PRRX1: variants seen among roughly 807,000 people sequenced by gnomAD.
PRRX1 encodes the protein paired mesoderm homeobox protein 1.
Under a neutral mutation model 24.0 loss-of-function variants are expected in PRRX1, and 8 were observed. The ratio of observed to expected loss-of-function variants is 0.33; its 90% CI spans 0.20 to 0.60. The LOEUF (loss-of-function observed/expected upper bound fraction) is 0.60, where lower values mean the gene tolerates loss of function less well. PRRX1 is among the 20% of genes least tolerant of loss of function. PRRX1 has a pLI of 0.82. For missense variants in PRRX1, 281 were observed against 322.4 expected, an observed-to-expected ratio of 0.87 and a Z score of 0.98; for synonymous variants, 160 against 131.7, an observed-to-expected ratio of 1.22 and a Z score of -1.47.
At chr1:170,669,685 G>T (rs1345606432) in intron 1 of PRRX1, among the ~76,000 whole-genome samples, 1 of 151,884 alleles carries the variant, frequency 6.6e-6, no homozygotes, top group Non-Finnish European at 1.5e-5. Flanking sequence ...CTAACTCCTG[G>T]AAAACCCTCC....
chr1:170,683,239 T>C (rs1653614438), intron 1 of PRRX1, among the ~76,000 whole-genome samples: 1 of 152,144 alleles, frequency 6.6e-6, no homozygotes, highest in Non-Finnish European at 1.5e-5. Flanking sequence ...TAGGAGGTTA[T>C]TGCAACAGGC....
chr1:170,730,220 C>T (rs1208617421), intron 3 of PRRX1: 2 of 1,420,336 alleles, frequency 1.4e-6, no homozygotes, highest in Non-Finnish European at 2.0e-6. Context: ...CATGGTGCTG[C>T]CTGACATCTG....
intron 1 of PRRX1, among the ~76,000 whole-genome samples, chr1:170,684,473 C>T (rs557614344): frequency 5.9e-5 from 9 of 152,326 alleles, no homozygotes; most frequent in African/African-American, 1.4e-4. Context: ...TTGGAATCGG[C>T]TGGGCGGGAT....
intron 1 of PRRX1, among the ~76,000 whole-genome samples, chr1:170,685,045 A>C (rs1426323577): frequency 6.6e-6 from 1 of 152,232 alleles, no homozygotes; most frequent in East Asian, 1.9e-4. Context: ...TCTGACTTCC[A>C]AATTACAATT....
intron 3 of PRRX1, among the ~76,000 whole-genome samples, chr1:170,734,529 T>C (rs1391496815): frequency 6.6e-6 from 1 of 152,134 alleles, no homozygotes; most frequent in Non-Finnish European, 1.5e-5. Flanking sequence ...GAACGTAGCC[T>C]GGTCTAGAGG....
rs1453606467 is a variant in PRRX1, at chr1:170,664,280, G to A, written c.62G>A (p.Ser21Asn). 2 of 1,613,060 alleles carry A rather than the reference G, an allele frequency of 1.2e-6. No individual in the cohort carries two copies. The highest frequency in any genetic ancestry group is 2.7e-5 in the African/African-American group (2 of 74,898). ...RQPALGGRLD[S>N]PGNLDTLQAK... is the part of the protein sequence containing the mutation. ...CCGGCGCTGGGCGGCCGCTTGGACA[G>A]CCCGGGCAACCTCGACACCCTGCAG... Residue 21 changes from serine to asparagine, a missense_variant, in exon 1 of 4, where the codon AGC becomes AAC. Ser to Asn is a conservative substitution (Grantham distance 46). Transcript: ENST00000239461.
At chr1:170,665,029 C>T (rs1293358161) in intron 1 of PRRX1, among the ~76,000 whole-genome samples, 1 of 152,232 alleles carries the variant, frequency 6.6e-6, no homozygotes, top group Non-Finnish European at 1.5e-5. Context: ...GAACGCCCGG[C>T]CCCAGACGCT....
chr1:170,699,975 A>G (rs1054455941), intron 1 of PRRX1, among the ~76,000 whole-genome samples: 1 of 152,060 alleles, frequency 6.6e-6, no homozygotes, highest in Non-Finnish European at 1.5e-5. Flanking sequence ...GCCAGCCTCA[A>G]CCTCTCAAAG....
At chr1:170,714,730 C>T (rs1332777624) in intron 1 of PRRX1, among the ~76,000 whole-genome samples, 1 of 152,150 alleles carries the variant, frequency 6.6e-6, no homozygotes, top group East Asian at 1.9e-4. Context: ...TGTCAGGTCC[C>T]CATGCTTGAG....
intron 1 of PRRX1, among the ~76,000 whole-genome samples, chr1:170,678,817 C>T (rs960347055): frequency 6.6e-6 from 1 of 152,142 alleles, no homozygotes; most frequent in Non-Finnish European, 1.5e-5. Context: ...GAGATTCTTT[C>T]TCTAGTGTCC....
chr1:170,716,740 AGTT>A (rs1368604717), intron 1 of PRRX1, among the ~76,000 whole-genome samples: 2 of 152,294 alleles, frequency 1.3e-5, no homozygotes, highest in South Asian at 4.1e-4. Context: ...CTTTCACTGT[AGTT>A]GTTTTTGCAA....
chr1:170,665,574 G>A (rs1315514865), intron 1 of PRRX1, among the ~76,000 whole-genome samples: 1 of 152,208 alleles, frequency 6.6e-6, no homozygotes. Context: ...TTTGGAAATC[G>A]TGGAACCGGG....
chr1:170,733,226 G>A (rs539727057), intron 3 of PRRX1, among the ~76,000 whole-genome samples: 1 of 152,076 alleles, frequency 6.6e-6, no homozygotes, highest in Non-Finnish European at 1.5e-5. Flanking sequence ...CAGCAAAAAC[G>A]GTTATGCAAT....
intron 1 of PRRX1, 52 bp downstream of exon 1, chr1:170,664,511 G>A: frequency 6.4e-7 from 1 of 1,558,672 alleles, no homozygotes; most frequent in Non-Finnish European, 8.7e-7. Context: ...CAGAGGGCGG[G>A]GACCCGTGTA....
At chr1:170,727,075 A>G (rs1208929794) in intron 3 of PRRX1, 1 of 151,946 alleles carries the variant, frequency 6.6e-6, no homozygotes, top group African/African-American at 2.4e-5. Flanking sequence ...TTCTCTGGGG[A>G]TCAGTTTGTG....
intron 1 of PRRX1, among the ~76,000 whole-genome samples, chr1:170,671,190 C>A (rs1261056561): frequency 6.6e-6 from 1 of 152,166 alleles, no homozygotes; most frequent in Admixed American, 6.5e-5. Flanking sequence ...ACTTTCTTAA[C>A]GGGCAGAGAG....
intron 3 of PRRX1, chr1:170,730,128 T>C: frequency 1.3e-6 from 1 of 780,646 alleles, no homozygotes; most frequent in East Asian, 2.4e-5. Context: ...AAAAGAAAGC[T>C]AGTGATGAGT....
At chr1:170,703,843 C>T (rs565462592) in intron 1 of PRRX1, among the ~76,000 whole-genome samples, 51 of 152,208 alleles carry the variant, frequency 3.4e-4, no homozygotes, top group African/African-American at 1.2e-3. Context: ...GCTCTTCCCC[C>T]TGAATACGTA....
intron 1 of PRRX1, among the ~76,000 whole-genome samples, chr1:170,680,513 G>A (rs1167424744): frequency 6.6e-6 from 1 of 152,104 alleles, no homozygotes; most frequent in Non-Finnish European, 1.5e-5. Context: ...CCCCGTTGGT[G>A]GAATTACAAC....
Sources: gnomAD v4.1 joint callset for allele counts (sites outside exome capture counted in the v4.1 genomes callset) on GRCh38, gnomAD v4.1.1 for gene constraint, MANE v1.5 for transcripts, NCBI Gene and HGNC (gene_info 2026-07-23, HGNC 2026-07-21) for gene names.